FGF14: variants seen among roughly 807,000 people sequenced by gnomAD.
The protein encoded by FGF14 is fibroblast growth factor 14.
Under a neutral mutation model 25.5 loss-of-function variants are expected in FGF14, and 5 were observed. The observed-to-expected ratio is 0.20, with a 90% CI of 0.10 to 0.41. The LOEUF is 0.41. Among genes scored for constraint, FGF14 ranks in the 10% least tolerant of loss-of-function variants. The probability of loss-of-function intolerance (pLI) is 1.00; values close to 1 mark genes in which losing one functional copy is unlikely to be tolerated. For missense variants in FGF14, 222 were observed against 320.1 expected (o/e 0.69, Z 2.34); for synonymous variants, 138 against 118.3 (o/e 1.17, Z -1.08).
At chr13:101,824,295 G>A (rs1017022750) in intron 3 of FGF14, among the ~76,000 whole-genome samples, 3 of 152,004 alleles carry the variant, frequency 2.0e-5, no homozygotes, top group Non-Finnish European at 2.9e-5. Context: ...GTTTTCAACC[G>A]TTTGAATATG....
intron 3 of FGF14, chr13:101,802,223 CA>C: frequency 7.7e-6 from 2 of 259,794 alleles, no homozygotes; most frequent in Admixed American, 4.5e-5. Context: ...GCATCCGTGG[CA>C]AAAAGCTGGG....
chr13:102,278,058 G>A (rs1431757881), intron 1 of FGF14, among the ~76,000 whole-genome samples: 2 of 152,146 alleles, frequency 1.3e-5, no homozygotes, highest in African/African-American at 2.4e-5. Flanking sequence ...CTGCATTCAA[G>A]GTGGGAGCCC....
At chr13:102,273,779 T>C (rs938620637) in intron 1 of FGF14, among the ~76,000 whole-genome samples, 1 of 151,768 alleles carries the variant, frequency 6.6e-6, no homozygotes, top group African/African-American at 2.4e-5. Context: ...CTCCAGCTAA[T>C]AATACAAAAA....
intron 1 of FGF14, among the ~76,000 whole-genome samples, chr13:102,162,863 G>A (rs2047837383): frequency 6.6e-6 from 1 of 152,110 alleles, no homozygotes; most frequent in Non-Finnish European, 1.5e-5. Context: ...GATACTAGAA[G>A]TCTGGTAGCT....
At chr13:101,851,990 G>A (rs143216042) in intron 3 of FGF14, among the ~76,000 whole-genome samples, 3 of 152,228 alleles carry the variant, frequency 2.0e-5, no homozygotes, top group Admixed American at 1.3e-4. Context: ...CAGGTCAGCC[G>A]TGCCTAGGGC....
chr13:101,913,477 A>G (rs867324612), intron 1 of FGF14, among the ~76,000 whole-genome samples: 12 of 144,732 alleles, frequency 8.3e-5, no homozygotes, highest in African/African-American at 3.3e-4. Context: ...TTTACATTAA[A>G]TAAATTACTA....
At chr13:102,056,004 A>G (rs143006892) in intron 1 of FGF14, among the ~76,000 whole-genome samples, 14 of 152,362 alleles carry the variant, frequency 9.2e-5, no homozygotes, top group South Asian at 6.2e-4. Context: ...CGAGAACAGT[A>G]TAACTGCCCC....
At chr13:102,401,821 G>T, upstream of FGF14, 3 of 743,854 alleles carry the variant, frequency 4.0e-6, no homozygotes, top group Non-Finnish European at 6.8e-6. Flanking sequence ...TATTACCAAA[G>T]GGTTGGAGAA....
chr13:101,736,450 G>A (rs2036193512), intron 3 of FGF14, among the ~76,000 whole-genome samples: 1 of 151,992 alleles, frequency 6.6e-6, no homozygotes, highest in Non-Finnish European at 1.5e-5. Flanking sequence ...TATATTTGTT[G>A]AATATAACAA....
At chr13:101,807,271 A>G (rs1206151465) in intron 3 of FGF14, among the ~76,000 whole-genome samples, 2 of 152,132 alleles carry the variant, frequency 1.3e-5, no homozygotes, top group Non-Finnish European at 2.9e-5. Context: ...TTAGAGTTGC[A>G]TCAGTACTTT....
At chr13:102,243,897 T>C (rs1441308892) in intron 1 of FGF14, among the ~76,000 whole-genome samples, 1 of 152,060 alleles carries the variant, frequency 6.6e-6, no homozygotes, top group African/African-American at 2.4e-5. Context: ...ACTATGTTGA[T>C]GAGAACTCTT....
At chr13:102,350,528 T>A (rs7323265) in intron 1 of FGF14, among the ~76,000 whole-genome samples, 5,366 of 152,206 alleles carry the variant, frequency 0.035, 320 homozygotes, top group African/African-American at 0.12. Flanking sequence ...TGTTTTCCCA[T>A]CTCTCTTCCT....
At chr13:101,899,390 AAATC>A (rs1167168176) in intron 1 of FGF14, among the ~76,000 whole-genome samples, 1 of 152,008 alleles carries the variant, frequency 6.6e-6, no homozygotes, top group Non-Finnish European at 1.5e-5. Flanking sequence ...ATATTTAAGA[AAATC>A]AAGTAAATGA....
Position 102,254,165 on chromosome 13 carries a change from CA to C in FGF14, c.208+147305del, listed in dbSNP as rs1566867174. On this transcript the variant is annotated intron_variant, in intron 1 of 4. Coordinates refer to the FGF14 transcript ENST00000376131. ...TTAAGTTAACAACCTTAAACAATCC[CA>C]AAACTTCCAAAAATATAACATGGAT... 2.0e-5 allele frequency among the ~76,000 whole-genome samples: 3 copies of C among 152,238 alleles called. No individual in the cohort carries two copies. The East Asian group carries it at 5.8e-4, about 29-fold the overall frequency.
intron 1 of FGF14, among the ~76,000 whole-genome samples, chr13:102,126,711 T>C (rs1053931286): frequency 6.6e-6 from 1 of 152,200 alleles, no homozygotes; most frequent in Non-Finnish European, 1.5e-5. Flanking sequence ...CCAACAGTAA[T>C]CTTTTAATAA....
chr13:101,801,755 C>T (rs191464963), intron 3 of FGF14: 93 of 157,638 alleles, frequency 5.9e-4, no homozygotes, highest in Non-Finnish European at 1.0e-3. Flanking sequence ...ATCTGATGGA[C>T]GTAAGAGCTA....
At position 101,711,396 on chromosome 13, in the gene FGF14, CA is replaced by C; in HGVS notation, c.*11434del. Reference sequence around the variant, plus strand: ...ACTCACCCACCCACAACCTGTCCCACATCCCCAGAAAAGAGAAAGAGTGAAA... The same window carrying C: ...ACTCACCCACCCACAACCTGTCCCACTCCCCAGAAAAGAGAAAGAGTGAAA... On this transcript the variant is annotated 3_prime_UTR_variant, in exon 5 of 5. Transcript: ENST00000376143. 6.6e-6 allele frequency: 1 copy of C among 152,506 alleles called. No homozygotes were observed. 9.4% of individuals were successfully genotyped at this position (152,506 alleles called of 1,614,324 possible).
At chr13:102,144,937 C>G (rs1024279138) in intron 1 of FGF14, among the ~76,000 whole-genome samples, 1 of 152,180 alleles carries the variant, frequency 6.6e-6, no homozygotes, top group South Asian at 2.1e-4. Context: ...TATCTGCCCA[C>G]TTATATATTT....
intron 1 of FGF14, among the ~76,000 whole-genome samples, chr13:102,181,681 A>G (rs1218389678): frequency 2.0e-5 from 3 of 152,162 alleles, no homozygotes; most frequent in Non-Finnish European, 2.9e-5. Context: ...CAGCTTCTTT[A>G]TATTATACAG....
Sources: gnomAD v4.1 joint callset for allele counts (sites outside exome capture counted in the v4.1 genomes callset) on GRCh38, gnomAD v4.1.1 for gene constraint, MANE v1.5 for transcripts, NCBI Gene and HGNC (gene_info 2026-07-23, HGNC 2026-07-21) for gene names.